KANSL1L: variants seen among roughly 807,000 people sequenced by gnomAD.
KANSL1L encodes the protein KAT8 regulatory NSL complex subunit 1-like protein.
A neutral mutation model predicts 108.6 loss-of-function variants in KANSL1L; 25 were observed. The observed-to-expected ratio is 0.23, with a 90% CI of 0.17 to 0.32. The LOEUF (loss-of-function observed/expected upper bound fraction) is 0.32, where lower values mean the gene tolerates loss of function less well. Ranked by LOEUF, KANSL1L falls within the 10% of genes least tolerant of loss-of-function variation. The pLI, the probability that KANSL1L is intolerant of heterozygous loss-of-function variation, is 1.00. For missense variants in KANSL1L, 1,137 were observed against 1,125.7 expected, an observed-to-expected ratio of 1.01 and a Z score of -0.14; for synonymous variants, 405 against 395.1, an observed-to-expected ratio of 1.03 and a Z score of -0.30.
intron 6 of KANSL1L, among the ~76,000 whole-genome samples, chr2:210,066,485 T>C (rs186276240): frequency 1.1e-3 from 169 of 152,350 alleles, no homozygotes; most frequent in Non-Finnish European, 2.0e-3. Context: ...GGCAAAGATA[T>C]ACAGCATAAT....
intron 7 of KANSL1L, among the ~76,000 whole-genome samples, chr2:210,041,109 T>C (rs957360462): frequency 6.6e-6 from 1 of 152,184 alleles, no homozygotes. Context: ...TTAAAACCTA[T>C]TGACAAGCTA....
chr2:210,053,769 CTG>C (rs753361592), intron 6 of KANSL1L, among the ~76,000 whole-genome samples: 4 of 151,584 alleles, frequency 2.6e-5, no homozygotes, highest in South Asian at 2.1e-4. Flanking sequence ...AAAAGACAAA[CTG>C]TGAAAAAAAG....
At chr2:210,157,832 G>A (rs1330205247) in intron 1 of KANSL1L, among the ~76,000 whole-genome samples, 1 of 150,642 alleles carries the variant, frequency 6.6e-6, no homozygotes, top group Non-Finnish European at 1.5e-5. Flanking sequence ...GCAACATGAT[G>A]AAATCCAGGC....
intron 3 of KANSL1L, among the ~76,000 whole-genome samples, chr2:210,111,780 C>T (rs529491958): frequency 5.4e-4 from 82 of 151,440 alleles, no homozygotes; most frequent in African/African-American, 1.9e-3. Context: ...ATGTGCACAA[C>T]GTGCAGGTTT....
Position 210,070,651 on chromosome 2 carries a change from G to GT in KANSL1L, c.1755+4900dup, listed in dbSNP as rs1023206462. ...GACCTTACTAACAAAAATGTCCACTGTATTAGTTTGCTAGGTGTGTCATAA... is the reference window on the plus strand; with the variant it reads ...GACCTTACTAACAAAAATGTCCACTGTTATTAGTTTGCTAGGTGTGTCATAA... On this transcript the variant is annotated intron_variant, in intron 6 of 14. Coordinates refer to ENST00000281772, the MANE Select transcript of KANSL1L (RefSeq NM_152519.4). Among the ~76,000 whole-genome samples the GT allele has an allele frequency of 3.7e-4, 57 of 152,242 alleles. No individual in the cohort carries two copies. The South Asian group carries it at 4.8e-3, about 13-fold the overall frequency.
At chr2:210,108,004 A>AT (rs1167727834) in intron 3 of KANSL1L, among the ~76,000 whole-genome samples, 2 of 151,938 alleles carry the variant, frequency 1.3e-5, no homozygotes, top group African/African-American at 4.8e-5. Flanking sequence ...AGTGAGAACA[A>AT]TTTTTTTTAC....
chr2:210,106,926 AAT>A (rs2125444573), intron 3 of KANSL1L, among the ~76,000 whole-genome samples: 1 of 152,230 alleles, frequency 6.6e-6, no homozygotes, highest in South Asian at 2.1e-4. Flanking sequence ...GAAAGGGTTG[AAT>A]ATTTATATTT....
intron 6 of KANSL1L, among the ~76,000 whole-genome samples, chr2:210,053,941 C>T (rs913727190): frequency 6.6e-6 from 1 of 151,980 alleles, no homozygotes; most frequent in African/African-American, 2.4e-5. Flanking sequence ...TATAGTTAGT[C>T]AGTTTACAGA....
At chr2:210,162,222 G>GTATATAGATATATATA (rs2095365239) in intron 1 of KANSL1L, among the ~76,000 whole-genome samples, 1 of 107,474 alleles carries the variant, frequency 9.3e-6, no homozygotes, top group African/African-American at 3.5e-5. Flanking sequence ...AGTGGTTCAG[G>GTATATAGATATATATA]TATATATATA....
chr2:210,022,966 C>T lies in KANSL1L; in HGVS notation c.2947G>A (p.Val983Ile), dbSNP rs757475166. ...YKTFGLGLTN[V>I]KKNR is the part of the protein sequence containing the mutation. ...GTTCCCTGTCACCTATTTTTTTTAA[C>T]ATTAGTAAGTCCTAGACCAAAGGTT... is the stretch of plus-strand genomic sequence containing the variant. Residue 983 changes from valine to isoleucine, a missense_variant, in exon 15 of 15, where the codon GTT (valine) becomes ATT (isoleucine). Val to Ile is a conservative substitution (Grantham distance 29). Around this residue, in one of 3 missense-constraint regions of KANSL1L, gnomAD observed 575 missense variants for 567.1 expected, o/e 1.01. Transcript: ENST00000281772. 1 of 1,611,250 alleles carries T rather than the reference C, an allele frequency of 6.2e-7. No homozygotes were observed. Among genetic ancestry groups the T allele is most frequent in the Non-Finnish European group, 8.5e-7 (1 of 1,178,150 alleles).
intron 1 of KANSL1L, among the ~76,000 whole-genome samples, chr2:210,165,181 AAAAAAC>A (rs1687864669): frequency 6.9e-6 from 1 of 144,526 alleles, no homozygotes; most frequent in African/African-American, 2.5e-5. Flanking sequence ...TTTACTAAAA[AAAAAAC>A]CAAAAAACAA....
intron 3 of KANSL1L, among the ~76,000 whole-genome samples, chr2:210,120,674 C>T (rs2095007967): frequency 6.6e-6 from 1 of 152,022 alleles, no homozygotes; most frequent in African/African-American, 2.4e-5. Context: ...AGAGTTTCTG[C>T]ACAGAGAAAG....
chr2:210,054,034 C>T (rs1048037180), intron 6 of KANSL1L, among the ~76,000 whole-genome samples: 4 of 151,860 alleles, frequency 2.6e-5, no homozygotes, highest in South Asian at 4.2e-4. Flanking sequence ...TGAAACTAGA[C>T]GGCCGGGCAT....
chr2:210,069,971 G>T (rs2094494927), intron 6 of KANSL1L, among the ~76,000 whole-genome samples: 2 of 150,782 alleles, frequency 1.3e-5, no homozygotes, highest in African/African-American at 4.9e-5. Context: ...TGGGATTACA[G>T]GCACCTGCCA....
At chr2:210,128,399 T>C (rs1434527997) in intron 3 of KANSL1L, among the ~76,000 whole-genome samples, 12 of 152,192 alleles carry the variant, frequency 7.9e-5, no homozygotes, top group Admixed American at 7.9e-4. Context: ...AAATGTGGTA[T>C]ATACATACAA....
chr2:210,153,544 T>G lies in KANSL1L; in HGVS notation c.1039A>C (p.Ser347Arg), dbSNP rs769403419. ...EGLDSDATDSSSDDDLDEYTL... is the reference protein window; with the variant it reads ...EGLDSDATDSRSDDDLDEYTL... ...TATTCATCCAAATCGTCATCAGAGC[T>G]GCTATCAGTTGCATCGGAATCCAAA... The change falls in exon 2 of 15, where the codon AGC becomes CGC. Residue 347 changes from serine to arginine, a missense_variant. Around this residue, in one of 3 missense-constraint regions of KANSL1L, gnomAD observed 556 missense variants for 537.7 expected, o/e 1.03. Transcript: ENST00000281772. 2.5e-6 allele frequency: 4 copies of G among 1,614,142 alleles called. No homozygotes were observed. The highest frequency in any genetic ancestry group is 1.7e-6 in the Non-Finnish European group (2 of 1,180,008).
chr2:210,106,717 C>T (rs981492633), intron 3 of KANSL1L, among the ~76,000 whole-genome samples: 6 of 147,962 alleles, frequency 4.1e-5, no homozygotes, highest in Admixed American at 6.9e-5. Flanking sequence ...TGCAGTGAGC[C>T]GAGATCGCAC....
intron 5 of KANSL1L, among the ~76,000 whole-genome samples, chr2:210,092,639 T>C (rs2094701994): frequency 6.6e-6 from 1 of 152,234 alleles, no homozygotes; most frequent in Admixed American, 6.5e-5. Flanking sequence ...TTATGATCTT[T>C]TTTTGCTGTC....
At chr2:210,030,534 ACTGTGT>A in intron 9 of KANSL1L, among the ~76,000 whole-genome samples, 1 of 128,704 alleles carries the variant, frequency 7.8e-6, no homozygotes, top group East Asian at 2.2e-4. Flanking sequence ...GTTCCCAGTT[ACTGTGT>A]GTGTGTGTGT....
Sources: gnomAD v4.1 joint callset for allele counts (sites outside exome capture counted in the v4.1 genomes callset) on GRCh38, gnomAD v4.1.1 for gene constraint, gnomAD v4.1.1 regional missense constraint, MANE v1.5 for transcripts, NCBI Gene and HGNC (gene_info 2026-07-23, HGNC 2026-07-21) for gene names.